AK5: variants seen among roughly 807,000 people sequenced by gnomAD.
AK5 encodes the protein adenylate kinase 5.
In AK5, 27 loss-of-function variants were observed where a neutral mutation model predicts 69.5. The ratio of observed to expected loss-of-function variants is 0.39; its 90% CI spans 0.29 to 0.54. The LOEUF is 0.54. Ranked by LOEUF, AK5 falls within the 20% of genes least tolerant of loss-of-function variation. The probability of loss-of-function intolerance (pLI) is 0.71; values close to 1 mark genes in which losing one functional copy is unlikely to be tolerated. For missense variants in AK5, 531 were observed against 700.4 expected (o/e 0.76, Z 2.73); for synonymous variants, 260 against 244.4 (o/e 1.06, Z -0.60).
chr1:77,432,212 T>C (rs369262017), intron 8 of AK5, among the ~76,000 whole-genome samples: 4 of 152,156 alleles, frequency 2.6e-5, no homozygotes, highest in African/African-American at 9.7e-5. Flanking sequence ...AATCATCCTG[T>C]AGTTAGATTT....
intron 8 of AK5, among the ~76,000 whole-genome samples, chr1:77,467,410 A>G (rs1417221021): frequency 2.0e-5 from 3 of 152,224 alleles, no homozygotes; most frequent in African/African-American, 7.2e-5. Flanking sequence ...GCTGCTCAGT[A>G]ATAAGTAGAA....
chr1:77,319,623 TAA>T (rs1354627606), intron 5 of AK5, among the ~76,000 whole-genome samples: 1 of 152,214 alleles, frequency 6.6e-6, no homozygotes, highest in Non-Finnish European at 1.5e-5. Flanking sequence ...CACTCAAACA[TAA>T]ACTATTGTAT....
intron 13 of AK5, among the ~76,000 whole-genome samples, chr1:77,538,151 C>T (rs753617984): frequency 2.6e-5 from 4 of 152,046 alleles, no homozygotes; most frequent in African/African-American, 4.8e-5. Context: ...CCAGCCTAGG[C>T]AACATTTCGA....
intron 5 of AK5, among the ~76,000 whole-genome samples, chr1:77,313,535 T>G (rs1010030792): frequency 6.6e-6 from 1 of 152,104 alleles, no homozygotes; most frequent in Non-Finnish European, 1.5e-5. Flanking sequence ...TGTCTGTTGT[T>G]AGGCAAGGTA....
At chr1:77,488,775 G>C (rs544122827) in intron 10 of AK5, among the ~76,000 whole-genome samples, 3 of 152,270 alleles carry the variant, frequency 2.0e-5, no homozygotes, top group African/African-American at 7.2e-5. Context: ...CAGCTGATTA[G>C]ATTGTGCCCA....
chr1:77,319,657 T>C (rs938420084), intron 5 of AK5, among the ~76,000 whole-genome samples: 3 of 152,228 alleles, frequency 2.0e-5, no homozygotes, highest in African/African-American at 7.2e-5. Context: ...CCAGGCCCAA[T>C]TTCCTTAATG....
chr1:77,285,494 C>T (rs1005286573), intron 1 of AK5, among the ~76,000 whole-genome samples: 6 of 152,208 alleles, frequency 3.9e-5, no homozygotes, highest in African/African-American at 1.4e-4. Context: ...AAATAAAATA[C>T]TGTATTTAAA....
chr1:77,375,055 T>C (rs1265821144), intron 6 of AK5, among the ~76,000 whole-genome samples: 1 of 152,204 alleles, frequency 6.6e-6, no homozygotes, highest in South Asian at 2.1e-4. Context: ...TATTATCTCA[T>C]TTAGTCCTCT....
chr1:77,304,484 C>T (rs1024554265), intron 5 of AK5, among the ~76,000 whole-genome samples: 2 of 151,782 alleles, frequency 1.3e-5, no homozygotes, highest in Admixed American at 1.3e-4. Flanking sequence ...CGGCTCACCG[C>T]AGCGTCTGTC....
At chr1:77,492,092 A>G (rs1656038175) in intron 10 of AK5, among the ~76,000 whole-genome samples, 1 of 152,244 alleles carries the variant, frequency 6.6e-6, no homozygotes, top group Non-Finnish European at 1.5e-5. Context: ...CAACTGATTC[A>G]GCTACTTAAA....
At chr1:77,316,607 C>T (rs1660257796) in intron 5 of AK5, among the ~76,000 whole-genome samples, 1 of 152,078 alleles carries the variant, frequency 6.6e-6, no homozygotes, top group Admixed American at 6.5e-5. Flanking sequence ...TTGATTTCCT[C>T]CTAAGGGAGA....
At chr1:77,368,215 CTATATATA>C (rs1172723260) in intron 6 of AK5, among the ~76,000 whole-genome samples, 8 of 28,206 alleles carry the variant, frequency 2.8e-4, no homozygotes, top group African/African-American at 6.6e-4. Flanking sequence ...AGTAGAGATA[CTATATATA>C]TATATATATA....
intron 1 of AK5, among the ~76,000 whole-genome samples, chr1:77,286,150 G>T (rs1049467862): frequency 6.6e-6 from 1 of 151,970 alleles, no homozygotes; most frequent in African/African-American, 2.4e-5. Flanking sequence ...CACTTACTAT[G>T]TGCCAAGCAT....
At chr1:77,322,147 C>G (rs989224458) in intron 5 of AK5, among the ~76,000 whole-genome samples, 1 of 151,970 alleles carries the variant, frequency 6.6e-6, no homozygotes, top group Non-Finnish European at 1.5e-5. Flanking sequence ...TGTCCAAATA[C>G]GTGGATGGGA....
At chr1:77,373,279 A>C (rs1346732814) in intron 6 of AK5, among the ~76,000 whole-genome samples, 1 of 152,194 alleles carries the variant, frequency 6.6e-6, no homozygotes, top group East Asian at 1.9e-4. Context: ...CATTTAGTGT[A>C]ACCTTTTATT....
intron 5 of AK5, among the ~76,000 whole-genome samples, chr1:77,299,879 A>G (rs186015286): frequency 1.3e-4 from 20 of 152,264 alleles, no homozygotes; most frequent in Non-Finnish European, 2.5e-4. Context: ...GCTATGTTGA[A>G]TATCTTTCTT....
rs758353899 is a variant in AK5, at chr1:77,297,803, G to GT, written c.586-24dup. 2.0e-4 allele frequency: 329 copies of GT among 1,605,416 alleles called. 1 individual carries two copies. The highest frequency in any genetic ancestry group is 5.4e-4 in the East Asian group (24 of 44,750). ...TGAGTATACTAAGTTTAACTGTGGG[G>GT]TTTTTTTGTCATCCTTTCTGTTTAT... On this transcript the variant is annotated intron_variant, in intron 4 of 13. Transcript: ENST00000354567.
rs770503060 is a variant in AK5, at chr1:77,367,746, T to TTATATATATGTTA, written c.891+27185_891+27186insATGTTATATATAT. 5.2e-3 allele frequency among the ~76,000 whole-genome samples: 65 copies of TTATATATATGTTA among 12,510 alleles called. 7 individuals carry two copies. Among genetic ancestry groups the TTATATATATGTTA allele is most frequent in the South Asian group, 0.014 (4 of 294 alleles). 8.2% of individuals were successfully genotyped at this position (12,510 alleles called of 152,430 possible). Reference sequence around the variant, plus strand: ...ATATATGTTATATATACGTTATATGTTATATATGTTATATATAATATATGT... The same window carrying TTATATATATGTTA: ...ATATATGTTATATATACGTTATATGTTATATATATGTTATATATATGTTATATATAATATATGT... On this transcript the variant is annotated intron_variant, in intron 6 of 13. Transcript: ENST00000354567.
chr1:77,544,712 A>T (rs566164482), intron 13 of AK5, among the ~76,000 whole-genome samples: 9 of 152,246 alleles, frequency 5.9e-5, no homozygotes, highest in Admixed American at 4.6e-4. Context: ...GTCTGCTTTG[A>T]TAACAAGGCC....
Sources: allele counts gnomAD v4.1 joint callset (sites outside exome capture counted in the v4.1 genomes callset), GRCh38; gene constraint gnomAD v4.1.1; transcripts MANE v1.5; gene names NCBI Gene and HGNC (gene_info 2026-07-23, HGNC 2026-07-21).